Variants in BMPER observed in about 807,000 individuals in gnomAD.
BMPER encodes BMP binding endothelial regulator.
BMPER carries 45 observed loss-of-function variants against 87.3 expected under a neutral mutation model. That is an observed-to-expected ratio of 0.52 (90% CI 0.41 to 0.66). The LOEUF is 0.66. Ranked by LOEUF, BMPER falls within the 30% of genes least tolerant of loss-of-function variation. BMPER has a pLI of 0.00. For missense variants in BMPER, 784 were observed against 867.5 expected (o/e 0.90, Z 1.21); for synonymous variants, 326 against 316.2 (o/e 1.03, Z -0.33).
chr7:33,940,990 AT>A (rs1784743924), intron 3 of BMPER, among the ~76,000 whole-genome samples: 1 of 134,870 alleles, frequency 7.4e-6, no homozygotes, highest in Non-Finnish European at 1.5e-5. Flanking sequence ...TATATTATAT[AT>A]TTATATATAA....
In BMPER at chr7:33,966,201, T is replaced by C. The variant is rs141103368; in HGVS notation, c.320-278T>C. ...AGGCATAAATCAAGTCACGAGGTTA[T>C]ACATTTTGGCCATGAGAGTTCATCA... On this transcript the variant is annotated intron_variant, in intron 3 of 14. Coordinates refer to ENST00000649409, the MANE Select transcript of BMPER (RefSeq NM_001365308.1). Among the ~76,000 whole-genome samples the C allele has an allele frequency of 4.6e-5, 7 of 152,336 alleles. No individual in the cohort carries two copies. In the East Asian group the frequency reaches 1.4e-3, roughly 29 times the overall value.
At chr7:34,047,844 T>TCCCTTC (rs1788029963) in intron 7 of BMPER, among the ~76,000 whole-genome samples, 17 of 135,650 alleles carry the variant, frequency 1.3e-4, no homozygotes, top group South Asian at 2.4e-4. Context: ...GCTTTCTTTC[T>TCCCTTC]CTTTCTATCA....
At position 34,110,369 on chromosome 7, in the gene BMPER, G is replaced by C. The variant is rs547519001; in HGVS notation, c.1745+24277G>C. ...GAAGGTGAGGGTACGGAACAGGAGG[G>C]AGAGTAGGAAAGTGGATGCACAGGT... is the stretch of plus-strand genomic sequence containing the variant. On this transcript the variant is annotated intron_variant, in intron 13 of 14. Transcript: ENST00000649409. 3.3e-5 allele frequency among the ~76,000 whole-genome samples: 5 copies of C among 152,302 alleles called. No individual in the cohort carries two copies. In the East Asian group the frequency reaches 9.7e-4, roughly 29 times the overall value.
intron 11 of BMPER, among the ~76,000 whole-genome samples, chr7:34,067,480 T>C (rs1788623793): frequency 1.3e-5 from 2 of 152,158 alleles, no homozygotes; most frequent in African/African-American, 4.8e-5. Flanking sequence ...AGTGATTCTG[T>C]GTTTGAGCAA....
intron 2 of BMPER, among the ~76,000 whole-genome samples, chr7:33,915,193 A>G (rs1170461329): frequency 6.6e-6 from 1 of 152,246 alleles, no homozygotes; most frequent in Non-Finnish European, 1.5e-5. Flanking sequence ...AATTTCACGG[A>G]TAACAGTAAT....
chr7:33,988,369 A>G (rs1013830136), intron 6 of BMPER, among the ~76,000 whole-genome samples: 47 of 152,342 alleles, frequency 3.1e-4, no homozygotes, highest in African/African-American at 1.1e-3. Context: ...CATAATATTC[A>G]TAAACAATAG....
intron 11 of BMPER, among the ~76,000 whole-genome samples, chr7:34,076,567 T>G (rs967087548): frequency 6.6e-6 from 1 of 152,134 alleles, no homozygotes; most frequent in African/African-American, 2.4e-5. Context: ...TAGATCATAG[T>G]TCATTTTATG....
chr7:33,953,108 C>G (rs1323697289), intron 3 of BMPER, among the ~76,000 whole-genome samples: 1 of 152,222 alleles, frequency 6.6e-6, no homozygotes, highest in African/African-American at 2.4e-5. Flanking sequence ...TCCAGGCATT[C>G]TCCGAACCTG....
At chr7:34,068,101 G>A (rs1266258088) in intron 11 of BMPER, among the ~76,000 whole-genome samples, 1 of 152,134 alleles carries the variant, frequency 6.6e-6, no homozygotes, top group Non-Finnish European at 1.5e-5. Flanking sequence ...TATTTATTTG[G>A]CATCTGCCGT....
At chr7:33,988,462 T>C (rs1037383634) in intron 6 of BMPER, among the ~76,000 whole-genome samples, 1 of 152,156 alleles carries the variant, frequency 6.6e-6, no homozygotes, top group African/African-American at 2.4e-5. Flanking sequence ...TAAGAGAATT[T>C]TTTTTTCCAA....
chr7:34,022,458 A>C (rs1787219314), intron 6 of BMPER, among the ~76,000 whole-genome samples: 1 of 151,964 alleles, frequency 6.6e-6, no homozygotes, highest in African/African-American at 2.4e-5. Flanking sequence ...AATATTCGAG[A>C]CTGCAAAACA....
chr7:34,086,963 T>C (rs1286607878), intron 13 of BMPER, among the ~76,000 whole-genome samples: 3 of 152,218 alleles, frequency 2.0e-5, no homozygotes, highest in Non-Finnish European at 4.4e-5. Context: ...TGCCTGTGCC[T>C]CTTAAAATTA....
intron 13 of BMPER, among the ~76,000 whole-genome samples, chr7:34,142,376 G>A (rs1478955280): frequency 1.3e-5 from 2 of 152,234 alleles, no homozygotes; most frequent in South Asian, 2.1e-4. Flanking sequence ...ATTATGCCTT[G>A]TTTACCATCC....
intron 13 of BMPER, among the ~76,000 whole-genome samples, chr7:34,119,267 A>G (rs1025115869): frequency 6.6e-5 from 10 of 152,208 alleles, no homozygotes; most frequent in African/African-American, 2.2e-4. Flanking sequence ...ACAGCAGAGG[A>G]GGGCAGTGCT....
chr7:34,102,911 G>A (rs546760230), intron 13 of BMPER, among the ~76,000 whole-genome samples: 1 of 152,268 alleles, frequency 6.6e-6, no homozygotes, highest in South Asian at 2.1e-4. Context: ...GTTTCGCATG[G>A]TATGGTCAGG....
intron 6 of BMPER, among the ~76,000 whole-genome samples, chr7:34,007,174 A>G (rs998810736): frequency 1.3e-5 from 2 of 152,106 alleles, no homozygotes; most frequent in African/African-American, 2.4e-5. Flanking sequence ...AGATAATCTT[A>G]GTGATCTTGG....
chr7:34,030,229 CA>C (rs1787485202), intron 6 of BMPER, among the ~76,000 whole-genome samples: 1 of 151,994 alleles, frequency 6.6e-6, no homozygotes, highest in Non-Finnish European at 1.5e-5. Context: ...TAATAATTGT[CA>C]GCAAGAAATT....
At chr7:34,008,588 C>G (rs1387641150) in intron 6 of BMPER, among the ~76,000 whole-genome samples, 1 of 151,922 alleles carries the variant, frequency 6.6e-6, no homozygotes, top group Non-Finnish European at 1.5e-5. Context: ...TATAAATCAA[C>G]ATATCACCTA....
chr7:34,059,191 C>T (rs1025939674), intron 10 of BMPER, among the ~76,000 whole-genome samples: 8 of 152,090 alleles, frequency 5.3e-5, no homozygotes, highest in East Asian at 1.9e-4. Flanking sequence ...GCCAGTCCTC[C>T]GGGAACCCTC....
Sources: gnomAD v4.1 joint callset for allele counts (sites outside exome capture counted in the v4.1 genomes callset) on GRCh38, gnomAD v4.1.1 for gene constraint, MANE v1.5 for transcripts, NCBI Gene and HGNC (gene_info 2026-07-23, HGNC 2026-07-21) for gene names.